RMST: variants seen among roughly 807,000 people sequenced by gnomAD.
RMST encodes the protein rhabdomyosarcoma 2 associated transcript, also known as long intergenic non-protein coding RNA 54.
At chr12:97,525,371 GC>G (rs1290366258) in intron 10 of RMST, among the ~76,000 whole-genome samples, 1 of 152,144 alleles carries the variant, frequency 6.6e-6, no homozygotes, top group Non-Finnish European at 1.5e-5. Flanking sequence ...GTAGGCATTA[GC>G]GGGTGGATCA....
intron 5 of RMST, among the ~76,000 whole-genome samples, chr12:97,480,247 G>T (rs1875105540): frequency 3.3e-5 from 5 of 151,634 alleles, no homozygotes. Flanking sequence ...CCACCACCAC[G>T]CCTGGCTAAT....
chr12:97,493,990 G>C (rs1877135574), exon 8 of RMST: 1 of 152,178 alleles, frequency 6.6e-6, no homozygotes, highest in Non-Finnish European at 1.5e-5. Context: ...GTGCTGTTCT[G>C]TCTCTCTATA....
intron 10 of RMST, among the ~76,000 whole-genome samples, chr12:97,527,153 G>C (rs1266779632): frequency 1.3e-5 from 2 of 152,148 alleles, no homozygotes; most frequent in Non-Finnish European, 2.9e-5. Context: ...ACGTATTGAA[G>C]TGATAAGAGG....
intron 10 of RMST, among the ~76,000 whole-genome samples, chr12:97,504,945 A>G (rs1212928134): frequency 6.6e-6 from 1 of 152,184 alleles, no homozygotes; most frequent in Admixed American, 6.5e-5. Context: ...AAAGTAATAT[A>G]AAAAGGATTA....
chr12:97,520,006 AC>A (rs1235069875), intron 10 of RMST, among the ~76,000 whole-genome samples: 1 of 152,218 alleles, frequency 6.6e-6, no homozygotes, highest in African/African-American at 2.4e-5. Context: ...GTTTTAAGGA[AC>A]AGGAAATTTT....
intron 5 of RMST, among the ~76,000 whole-genome samples, chr12:97,482,650 A>G (rs916805805): frequency 6.9e-6 from 1 of 145,788 alleles, no homozygotes; most frequent in Non-Finnish European, 1.5e-5. Flanking sequence ...TTTATTATTT[A>G]TTTAATAAAT....
At chr12:97,509,800 A>G (rs1879093416) in intron 10 of RMST, among the ~76,000 whole-genome samples, 1 of 152,226 alleles carries the variant, frequency 6.6e-6, no homozygotes, top group African/African-American at 2.4e-5. Flanking sequence ...ACAGCCAGTC[A>G]ACAAATATAT....
At chr12:97,510,609 A>G (rs1211176170) in intron 10 of RMST, among the ~76,000 whole-genome samples, 1 of 152,220 alleles carries the variant, frequency 6.6e-6, no homozygotes, top group Non-Finnish European at 1.5e-5. Context: ...ATTTGAAAGG[A>G]ATGTTTTCAC....
At chr12:97,516,374 A>C (rs1879931824) in intron 10 of RMST, among the ~76,000 whole-genome samples, 1 of 152,028 alleles carries the variant, frequency 6.6e-6, no homozygotes, top group Non-Finnish European at 1.5e-5. Flanking sequence ...CCTGCAGTAC[A>C]TAACTTATTC....
chr12:97,523,534 T>C (rs1051587115), intron 10 of RMST, among the ~76,000 whole-genome samples: 2 of 152,248 alleles, frequency 1.3e-5, no homozygotes, highest in African/African-American at 4.8e-5. Context: ...TAAATACTAA[T>C]TTGATTATTA....
intron 10 of RMST, among the ~76,000 whole-genome samples, chr12:97,511,103 GT>G (rs1292688821): frequency 6.6e-6 from 1 of 150,658 alleles, no homozygotes; most frequent in African/African-American, 2.4e-5. Flanking sequence ...CAGGGAAAAT[GT>G]TTAGTGGGCA....
At chr12:97,550,479 TCAA>T (rs1243187188) in intron 11 of RMST, among the ~76,000 whole-genome samples, 3 of 152,210 alleles carry the variant, frequency 2.0e-5, no homozygotes, top group African/African-American at 7.2e-5. Flanking sequence ...ATATTGTATT[TCAA>T]CAATCCAACA....
At chr12:97,525,138 C>A (rs763363443) in intron 10 of RMST, among the ~76,000 whole-genome samples, 1 of 152,150 alleles carries the variant, frequency 6.6e-6, no homozygotes, top group African/African-American at 2.4e-5. Context: ...CATAGAAATG[C>A]GGTTTGTCTC....
rs1301338823 is a variant in RMST at position 97,485,852 on chromosome 12, T to A, written n.645-6609T>A. Reference sequence around the variant, plus strand: ...GGCATTTCAGCAAGCCTTGGGCCTCTCCACATGTAGGCCCACCTGGCAGTG... The same window carrying A: ...GGCATTTCAGCAAGCCTTGGGCCTCACCACATGTAGGCCCACCTGGCAGTG... On this transcript the variant is annotated intron_variant and non_coding_transcript_variant, in intron 5 of 13. Transcript: ENST00000640149. Among the ~76,000 whole-genome samples the A allele has an allele frequency of 1.2e-4, 19 of 152,340 alleles. No individual in the cohort carries two copies. The East Asian group carries it at 3.7e-3, about 29-fold the overall frequency.
At chr12:97,546,358 G>A (rs2136636570) in intron 11 of RMST, among the ~76,000 whole-genome samples, 1 of 152,194 alleles carries the variant, frequency 6.6e-6, no homozygotes, top group East Asian at 1.9e-4. Flanking sequence ...AAAGTGGGTG[G>A]ATCACTTGAG....
intron 5 of RMST, among the ~76,000 whole-genome samples, chr12:97,477,554 A>G (rs1292998193): frequency 6.6e-6 from 1 of 152,182 alleles, no homozygotes; most frequent in Non-Finnish European, 1.5e-5. Flanking sequence ...CACTACAGAG[A>G]GGAGGATTCA....
chr12:97,539,565 A>G (rs925373338), intron 11 of RMST, among the ~76,000 whole-genome samples: 1 of 151,630 alleles, frequency 6.6e-6, no homozygotes, highest in Non-Finnish European at 1.5e-5. Flanking sequence ...ACAGCAATCT[A>G]TTCTAAACAA....
At chr12:97,545,056 C>T (rs937219026) in intron 11 of RMST, among the ~76,000 whole-genome samples, 1 of 152,024 alleles carries the variant, frequency 6.6e-6, no homozygotes, top group Non-Finnish European at 1.5e-5. Context: ...TTTGGATGTG[C>T]CCATGGTTTT....
chr12:97,545,108 A>G (rs919323077), intron 11 of RMST, among the ~76,000 whole-genome samples: 10 of 152,186 alleles, frequency 6.6e-5, no homozygotes, highest in Middle Eastern at 6.8e-3. Flanking sequence ...TTTACATTAT[A>G]TTACACTCTT....
Sources: gnomAD v4.1 joint callset for allele counts (sites outside exome capture counted in the v4.1 genomes callset) on GRCh38, gnomAD v4.1.1 for gene constraint, MANE v1.5 for transcripts, NCBI Gene and HGNC (gene_info 2026-07-23, HGNC 2026-07-21) for gene names.